Variants in SEMA5A observed in about 807,000 individuals in gnomAD.
SEMA5A encodes the protein semaphorin-5A.
SEMA5A carries 55 observed loss-of-function variants against 135.5 expected under a neutral mutation model. That is an observed-to-expected ratio of 0.41 (90% CI 0.33 to 0.51). The LOEUF (loss-of-function observed/expected upper bound fraction) is 0.51, where lower values mean the gene tolerates loss of function less well. Ranked by LOEUF, SEMA5A falls within the 20% of genes least tolerant of loss-of-function variation. The pLI is 0.37. For missense variants in SEMA5A, 1,290 were observed against 1,419.9 expected (o/e 0.91, Z 1.47); for synonymous variants, 580 against 546.5 (o/e 1.06, Z -0.85).
chr5:9,305,477 T>G (rs888480634), intron 5 of SEMA5A, among the ~76,000 whole-genome samples: 1 of 152,002 alleles, frequency 6.6e-6, no homozygotes, highest in African/African-American at 2.4e-5. Flanking sequence ...ACATTAGAGC[T>G]GGGCACCCAC....
chr5:9,520,145 G>A (rs568555323), intron 1 of SEMA5A, among the ~76,000 whole-genome samples: 11 of 152,152 alleles, frequency 7.2e-5, no homozygotes, highest in Non-Finnish European at 8.8e-5. Flanking sequence ...AACCTCAGAG[G>A]TACAGAACCA....
chr5:9,379,418 C>A (rs1035034385), intron 3 of SEMA5A, among the ~76,000 whole-genome samples: 1 of 152,132 alleles, frequency 6.6e-6, no homozygotes, highest in Non-Finnish European at 1.5e-5. Context: ...TAGATAGAAA[C>A]AAAGGGCTAG....
chr5:9,276,717 T>G (rs1249661533), intron 5 of SEMA5A, among the ~76,000 whole-genome samples: 1 of 152,218 alleles, frequency 6.6e-6, no homozygotes, highest in African/African-American at 2.4e-5. Flanking sequence ...GGGGAAAGGA[T>G]TCCCTCTTTA....
intron 18 of SEMA5A, among the ~76,000 whole-genome samples, chr5:9,062,185 G>C (rs943668583): frequency 6.6e-6 from 1 of 152,100 alleles, no homozygotes; most frequent in Non-Finnish European, 1.5e-5. Flanking sequence ...CCTAGATGAT[G>C]TCTTTCCCCA....
At position 9,217,112 on chromosome 5, in the gene SEMA5A, G is replaced by A. The variant is rs1746673914; in HGVS notation, c.646+7562C>T. 4.6e-5 allele frequency among the ~76,000 whole-genome samples: 7 copies of A among 152,248 alleles called. 2 individuals are homozygous for A. The highest frequency in any genetic ancestry group is 4.6e-4 in the Admixed American group (7 of 15,288). ...GTTTAAGGGTGGTTTTGTATTAGCT[G>A]GTAGCAGTCTTTCCTTTCTATATTT... On this transcript the variant is annotated intron_variant, in intron 8 of 22. Transcript: ENST00000382496.
chr5:9,215,368 A>G (rs1746559967), intron 8 of SEMA5A, among the ~76,000 whole-genome samples: 1 of 151,770 alleles, frequency 6.6e-6, no homozygotes, highest in African/African-American at 2.4e-5. Context: ...CCAAAAAAAT[A>G]TGTTGAAGTC....
chr5:9,166,490 T>C (rs902168764), intron 11 of SEMA5A, among the ~76,000 whole-genome samples: 1 of 152,240 alleles, frequency 6.6e-6, no homozygotes, highest in Non-Finnish European at 1.5e-5. Flanking sequence ...TATAAGAGTT[T>C]GCTGCTATTC....
intron 5 of SEMA5A, among the ~76,000 whole-genome samples, chr5:9,313,294 C>T (rs1752227655): frequency 6.6e-6 from 1 of 152,078 alleles, no homozygotes; most frequent in African/African-American, 2.4e-5. Context: ...TCAGGAGTTG[C>T]CTGTCTCATC....
chr5:9,055,561 CT>C (rs1472420886), intron 18 of SEMA5A, among the ~76,000 whole-genome samples: 1 of 151,992 alleles, frequency 6.6e-6, no homozygotes, highest in Non-Finnish European at 1.5e-5. Flanking sequence ...TGTAATGTTT[CT>C]TTTTAGATAT....
chr5:9,180,570 T>C (rs1744450189), intron 11 of SEMA5A, among the ~76,000 whole-genome samples: 1 of 152,176 alleles, frequency 6.6e-6, no homozygotes, highest in Non-Finnish European at 1.5e-5. Flanking sequence ...ACTTAGATAG[T>C]TGCAAATTGC....
intron 11 of SEMA5A, among the ~76,000 whole-genome samples, chr5:9,186,973 A>G (rs189349635): frequency 1.5e-3 from 222 of 152,280 alleles, no homozygotes; most frequent in South Asian, 7.5e-3. Flanking sequence ...TCCCGCTTCT[A>G]TATCAGTTTT....
At chr5:9,266,216 CTG>C (rs1292325686) in intron 5 of SEMA5A, among the ~76,000 whole-genome samples, 3 of 152,184 alleles carry the variant, frequency 2.0e-5, no homozygotes, top group Non-Finnish European at 4.4e-5. Flanking sequence ...ATCCATGGTT[CTG>C]TGTTTTAGTT....
At chr5:9,353,261 GAAGCAAAGGA>G (rs1467113520) in intron 3 of SEMA5A, among the ~76,000 whole-genome samples, 7 of 123,710 alleles carry the variant, frequency 5.7e-5, no homozygotes, top group African/African-American at 2.6e-4. Flanking sequence ...GAAGGGAAGG[GAAGCAAAGGA>G]AAGGAAAGGA....
chr5:9,108,274 G>A lies in SEMA5A; in HGVS notation c.1939C>T (p.His647Tyr), dbSNP rs1045152861. The A allele has an allele frequency of 6.2e-7, 1 of 1,614,100 alleles. No individual in the cohort carries two copies. Among genetic ancestry groups the A allele is most frequent in the South Asian group, 1.1e-5 (1 of 91,074 alleles). ...QNREERYCNEHLLCPPHMFWT... is the reference protein window; with the variant it reads ...QNREERYCNEYLLCPPHMFWT... ...AACATGTGTGGGGGACATAGCAAAT[G>A]TTCATTGCAGTATCTGTAATGAGGA... Residue 647 changes from histidine (H) to tyrosine (Y), a missense_variant, in exon 16 of 23, where the codon CAT (histidine) becomes TAT (tyrosine). Physicochemically the swap from His to Tyr is moderately conservative, Grantham distance 83. Around this residue, in one of 3 missense-constraint regions of SEMA5A, gnomAD observed 1,029 missense variants for 1,086.6 expected, o/e 0.95. Transcript: ENST00000382496.
At chr5:9,169,767 T>C (rs978364510) in intron 11 of SEMA5A, among the ~76,000 whole-genome samples, 5 of 152,314 alleles carry the variant, frequency 3.3e-5, no homozygotes, top group Admixed American at 3.3e-4. Flanking sequence ...CTCAGGTCTG[T>C]GATGGGCCAC....
At chr5:9,186,192 G>A in intron 11 of SEMA5A, among the ~76,000 whole-genome samples, 1 of 152,116 alleles carries the variant, frequency 6.6e-6, no homozygotes, top group Non-Finnish European at 1.5e-5. Context: ...CCTGGCCCTG[G>A]GTGGATGGAC....
chr5:9,096,828 G>T (rs935658522), intron 16 of SEMA5A, among the ~76,000 whole-genome samples: 2 of 151,890 alleles, frequency 1.3e-5, no homozygotes, highest in African/African-American at 4.8e-5. Flanking sequence ...ATAGCCAAAA[G>T]GTACATGAAA....
At chr5:9,294,706 A>C (rs1162145839) in intron 5 of SEMA5A, among the ~76,000 whole-genome samples, 1 of 151,784 alleles carries the variant, frequency 6.6e-6, no homozygotes, top group African/African-American at 2.4e-5. Flanking sequence ...AAGATAATCC[A>C]CTCTTCCTTT....
intron 1 of SEMA5A, among the ~76,000 whole-genome samples, chr5:9,511,601 A>T (rs1401683125): frequency 6.6e-6 from 1 of 152,226 alleles, no homozygotes; most frequent in Non-Finnish European, 1.5e-5. Flanking sequence ...TGCCCCAGGT[A>T]TAATCTAAAA....
Sources: gnomAD v4.1 joint callset for allele counts (sites outside exome capture counted in the v4.1 genomes callset) on GRCh38, gnomAD v4.1.1 for gene constraint, gnomAD v4.1.1 regional missense constraint, MANE v1.5 for transcripts, NCBI Gene and HGNC (gene_info 2026-07-23, HGNC 2026-07-21) for gene names.